The following RASGEF1B variants were observed in gnomAD, a reference collection of about 807,000 sequenced individuals.
RASGEF1B encodes the protein ras-GEF domain-containing family member 1B.
In RASGEF1B, 30 loss-of-function variants were observed where a neutral mutation model predicts 65.7. The observed-to-expected ratio is 0.46, with a 90% CI of 0.34 to 0.62. RASGEF1B has a LOEUF of 0.62. Ranked by LOEUF, RASGEF1B falls within the 20% of genes least tolerant of loss-of-function variation. The pLI, the probability that RASGEF1B is intolerant of heterozygous loss-of-function variation, is 0.01. For missense variants in RASGEF1B, 495 were observed against 580.1 expected (o/e 0.85, Z 1.51); for synonymous variants, 175 against 194.8 (o/e 0.90, Z 0.85).
Position 81,427,010 on chromosome 4 carries a change from A to AAAG in RASGEF1B, c.*757_*758insCTT, listed in dbSNP as rs1721249406. 7.5e-6 allele frequency: 1 copy of AAAG among 133,256 alleles called. No individual in the cohort carries two copies. Among genetic ancestry groups the AAAG allele is most frequent in the Non-Finnish European group, 1.6e-5 (1 of 63,892 alleles). The allele number at this position is 133,256 out of a possible 1,614,324, so 8.3% of individuals were successfully genotyped here. A position where few individuals can be genotyped will look rare whatever the true frequency, so the allele number is the denominator to read the frequency against. ...AAAAAAAAAAAAAAAAAAAAAAAAA[A>AAAG]GTCCTTCTAGCATGTTAAGCAGTCC... On this transcript the variant is annotated 3_prime_UTR_variant, in exon 14 of 14. Transcript: ENST00000264400.
At chr4:81,428,004 A>G (rs763859050) in intron 13 of RASGEF1B, among the ~76,000 whole-genome samples, 5 of 152,226 alleles carry the variant, frequency 3.3e-5, no homozygotes, top group Non-Finnish European at 5.9e-5. Flanking sequence ...TTATTAATGG[A>G]GATGGCAAAA....
rs754067756 is a variant in RASGEF1B at position 81,435,417 on chromosome 4, C to CAA, written c.1105-685_1105-684dup. 2.5e-4 allele frequency among the ~76,000 whole-genome samples: 14 copies of CAA among 55,292 alleles called. No individual in the cohort carries two copies. In the East Asian group the frequency reaches 3.1e-3, roughly 12 times the overall value. The allele number at this position is 55,292 out of a possible 152,430, so 36.3% of individuals were successfully genotyped here. A position where few individuals can be genotyped will look rare whatever the true frequency, so the allele number is the denominator to read the frequency against. ...TGGGCGACAGAGCGAGACTCCCTCTCAAAAAAAAAAAAAAAAAAAAAGAAT... is the reference window on the plus strand; with the variant it reads ...TGGGCGACAGAGCGAGACTCCCTCTCAAAAAAAAAAAAAAAAAAAAAAAGAAT... On this transcript the variant is annotated intron_variant, in intron 10 of 13. Transcript: ENST00000264400.
Position 81,430,157 on chromosome 4 carries a change from C to T in RASGEF1B, c.1397+2142G>A, listed in dbSNP as rs868646941. Among the ~76,000 whole-genome samples the T allele has an allele frequency of 7.9e-5, 12 of 152,236 alleles. No individual in the cohort carries two copies. The Middle Eastern group carries it at 0.01, about 129-fold the overall frequency. On this transcript the variant is annotated intron_variant, in intron 13 of 13. Transcript: ENST00000264400. The stretch of plus-strand genomic sequence containing the variant: ...TGTACTAAAGATACAAAAAATTAGC[C>T]GGGCGTGGTGGCGGGCGCCTGTAGT...
chr4:81,450,758 G>C (rs1213856594), intron 4 of RASGEF1B: 1 of 152,150 alleles, frequency 6.6e-6, no homozygotes, highest in Non-Finnish European at 1.5e-5. Context: ...TTAGTTGGGG[G>C]GAACAGAGGT....
At position 81,445,821 on chromosome 4, in the gene RASGEF1B, C is replaced by G; in HGVS notation, c.747G>C (p.Arg249=). Residue 249 remains arginine (R), a synonymous_variant, in exon 7 of 14, where the codon CGG becomes CGC. Transcript: ENST00000264400. ...LDNDKSCYSE[R]KKTRNLEAYV... Reference sequence around the variant, plus strand: ...AAGCTTCTAAGTTTCGTGTTTTCTTCCGTTCACTGTAGCAACTCTTTAGAG... The same window carrying G: ...AAGCTTCTAAGTTTCGTGTTTTCTTGCGTTCACTGTAGCAACTCTTTAGAG... 2.5e-6 allele frequency: 4 copies of G among 1,613,856 alleles called. No individual in the cohort carries two copies. Among genetic ancestry groups the G allele is most frequent in the Non-Finnish European group, 3.4e-6 (4 of 1,179,806 alleles).
chr4:81,457,315 A>G (rs538733110), intron 3 of RASGEF1B, among the ~76,000 whole-genome samples, 184 bp downstream of exon 3: 375 of 152,262 alleles, frequency 2.5e-3, no homozygotes, highest in African/African-American at 8.4e-3. Context: ...GTGCACCCGA[A>G]CTGCATTTGA....
chr4:81,455,468 G>A (rs533157115), intron 4 of RASGEF1B: 1 of 152,320 alleles, frequency 6.6e-6, no homozygotes, highest in Admixed American at 6.5e-5. Flanking sequence ...CAAGTTATAC[G>A]TTGCAGCACA....
intron 1 of RASGEF1B, among the ~76,000 whole-genome samples, chr4:81,464,450 C>T (rs534937462): frequency 1.4e-4 from 21 of 152,228 alleles, no homozygotes; most frequent in Admixed American, 5.9e-4. Context: ...CAAATCCTAC[C>T]AATAATACAT....
At position 81,456,796 on chromosome 4, in the gene RASGEF1B, G is replaced by A; in HGVS notation, c.301-8C>T. 6.3e-7 allele frequency: 1 copy of A among 1,597,822 alleles called. No individual in the cohort carries two copies. Among genetic ancestry groups the A allele is most frequent in the Non-Finnish European group, 8.5e-7 (1 of 1,172,094 alleles). ...AATTTTTCTCATCTGGTTCTAGGGA[G>A]AAATAGCAAATCTAATTCAGTGATA... is the stretch of plus-strand genomic sequence containing the variant. On this transcript the variant is annotated splice_region_variant and splice_polypyrimidine_tract_variant and intron_variant, in intron 3 of 13. Coordinates refer to ENST00000264400, the MANE Select transcript of RASGEF1B (RefSeq NM_152545.3).
intron 11 of RASGEF1B, among the ~76,000 whole-genome samples, chr4:81,434,330 C>A (rs772580513): frequency 1.3e-5 from 2 of 152,136 alleles, no homozygotes; most frequent in East Asian, 3.9e-4. Context: ...GTATTACAGG[C>A]GTGAGCTACT....
At chr4:81,459,274 T>A (rs1047134808) in intron 2 of RASGEF1B, 58 bp downstream of exon 2, 1 of 1,318,710 alleles carries the variant, frequency 7.6e-7, no homozygotes, top group Non-Finnish European at 1.0e-6. Flanking sequence ...CCCTGCCTAC[T>A]GTACTGCAAT....
At chr4:81,441,473 C>T (rs1305120639) in intron 9 of RASGEF1B, among the ~76,000 whole-genome samples, 1 of 151,556 alleles carries the variant, frequency 6.6e-6, no homozygotes, top group Non-Finnish European at 1.5e-5. Flanking sequence ...GATAGTAATT[C>T]GAAGCACTGA....
intron 1 of RASGEF1B, among the ~76,000 whole-genome samples, chr4:81,461,928 T>C (rs372932991): frequency 6.6e-6 from 1 of 152,178 alleles, no homozygotes; most frequent in Non-Finnish European, 1.5e-5. Context: ...AGAGGCTAAT[T>C]AGCAGTAAGC....
chr4:81,469,153 C>G (rs1722942005), intron 1 of RASGEF1B, among the ~76,000 whole-genome samples: 1 of 152,198 alleles, frequency 6.6e-6, no homozygotes, highest in Non-Finnish European at 1.5e-5. Flanking sequence ...TCCCATAAAT[C>G]TTAAACAGCA....
At chr4:81,459,678 GCTCT>G (rs931131356) in intron 1 of RASGEF1B, among the ~76,000 whole-genome samples, 164 bp from the exon 2 acceptor site, 15 of 152,154 alleles carry the variant, frequency 9.9e-5, no homozygotes, top group Admixed American at 9.2e-4. Context: ...GAACCAAATT[GCTCT>G]CTGAGTACGA....
At chr4:81,466,627 C>T (rs554720315) in intron 1 of RASGEF1B, among the ~76,000 whole-genome samples, 69 of 151,260 alleles carry the variant, frequency 4.6e-4, no homozygotes, top group African/African-American at 1.5e-3. Flanking sequence ...GGCGTGGTGG[C>T]GGGTGCCTGT....
Position 81,427,674 on chromosome 4 carries a change from G to T in RASGEF1B, c.*94C>A. 2.1e-6 allele frequency: 3 copies of T among 1,458,604 alleles called. No homozygotes were observed. The highest frequency in any genetic ancestry group is 1.2e-5 in the South Asian group (1 of 85,086). 90.4% of individuals were successfully genotyped at this position (1,458,604 alleles called of 1,614,324 possible). ...GCTCCAATGACTGCAGGGTCTTCAT[G>T]AGTGTTCGTGGTACGAGATGCCAGA... On this transcript the variant is annotated 3_prime_UTR_variant, in exon 14 of 14. Transcript: ENST00000264400.
At chr4:81,466,766 A>AAAAAAAGAAAG (rs1722830000) in intron 1 of RASGEF1B, among the ~76,000 whole-genome samples, 1 of 27,110 alleles carries the variant, frequency 3.7e-5, no homozygotes, top group African/African-American at 1.3e-4. Flanking sequence ...GTCAAAAAAA[A>AAAAAAAGAAAG]AAAAAAAGAA....
chr4:81,454,933 T>C (rs528038914), intron 4 of RASGEF1B: 2 of 152,360 alleles, frequency 1.3e-5, no homozygotes, highest in East Asian at 3.9e-4. Context: ...AAAATGTTTA[T>C]ATCTATTAAG....
Sources: gnomAD v4.1 joint callset for allele counts (sites outside exome capture counted in the v4.1 genomes callset) on GRCh38, gnomAD v4.1.1 for gene constraint, MANE v1.5 for transcripts, NCBI Gene and HGNC (gene_info 2026-07-23, HGNC 2026-07-21) for gene names.